The following MILR1 variants were observed in gnomAD, a reference collection of about 807,000 sequenced individuals.
MILR1 encodes allergin-1.
In MILR1, 31 loss-of-function variants were observed where a neutral mutation model predicts 18.5. The observed-to-expected ratio is 1.68, with a 90% confidence interval of 1.26 to 2.26. The LOEUF is 2.26. MILR1 is among the 30% of genes most tolerant of loss of function. The pLI, the probability that MILR1 is intolerant of heterozygous loss-of-function variation, is 0.00. For synonymous variants in MILR1, 85 were observed against 56.2 expected, an observed-to-expected ratio of 1.51 and a Z score of -2.30; for missense variants, 257 against 157.4, an observed-to-expected ratio of 1.63 and a Z score of -3.38.
intron 3 of MILR1, among the ~76,000 whole-genome samples, chr17:64,453,536 CTTT>C (rs35572128): frequency 5.9e-5 from 6 of 101,038 alleles, no homozygotes; most frequent in African/African-American, 2.1e-4. Context: ...GCAAAAATCG[CTTT>C]TTTTTTTTTT....
At chr17:64,477,808 T>C in the MILR1 span, 8 of 1,552,036 alleles carry the variant, frequency 5.2e-6, no homozygotes, top group Non-Finnish European at 6.9e-6. Flanking sequence ...ATATTTATTA[T>C]ACAAATATAA....
chr17:64,492,335 A>C, the MILR1 span, among the ~76,000 whole-genome samples: 4 of 152,156 alleles, frequency 2.6e-5, no homozygotes, highest in African/African-American at 9.7e-5. Context: ...ACTAATATGG[A>C]AAGTTCATGG....
the MILR1 span, among the ~76,000 whole-genome samples, chr17:64,487,771 G>A: frequency 1.3e-5 from 2 of 152,212 alleles, no homozygotes; most frequent in African/African-American, 4.8e-5. Flanking sequence ...GGAGGCCAGG[G>A]CAGGAGGATC....
the MILR1 span, chr17:64,481,429 C>T: frequency 2.4e-5 from 24 of 985,070 alleles, no homozygotes; most frequent in African/African-American, 3.7e-4. Context: ...ACAGAAATGA[C>T]GACTGCTGAA....
At chr17:64,489,954 C>T in the MILR1 span, among the ~76,000 whole-genome samples, 17 of 150,830 alleles carry the variant, frequency 1.1e-4, no homozygotes, top group African/African-American at 3.9e-4. Context: ...GAGACAGAGT[C>T]TCGTTCTGTC....
chr17:64,482,921 G>C, the MILR1 span: 4 of 1,546,916 alleles, frequency 2.6e-6, no homozygotes, highest in African/African-American at 2.7e-5. Context: ...TAACTCACCT[G>C]TCTTAGTTCC....
chr17:64,477,897 T>C, the MILR1 span: 5 of 1,613,756 alleles, frequency 3.1e-6, no homozygotes, highest in Admixed American at 1.7e-5. Flanking sequence ...ATTTCCTTCA[T>C]TGTGGTGTCT....
chr17:64,496,973 C>T, the MILR1 span: 25 of 1,603,300 alleles, frequency 1.6e-5, no homozygotes, highest in South Asian at 2.2e-5. Context: ...GCGCATCTCT[C>T]TCCGAAGTTA....
At chr17:64,453,106 T>A (rs1159530362) in intron 3 of MILR1, among the ~76,000 whole-genome samples, 1 of 151,662 alleles carries the variant, frequency 6.6e-6, no homozygotes, top group Non-Finnish European at 1.5e-5. Context: ...TCTCACTCAG[T>A]TGCCCAGGCT....
At chr17:64,464,534 C>A (rs1204221453) in intron 5 of MILR1, among the ~76,000 whole-genome samples, 1 of 152,088 alleles carries the variant, frequency 6.6e-6, no homozygotes, top group African/African-American at 2.4e-5. Context: ...GCCACTGCAC[C>A]CTGGCCCACA....
chr17:64,456,980 C>T (rs1227960139), intron 3 of MILR1, among the ~76,000 whole-genome samples: 5 of 152,024 alleles, frequency 3.3e-5, no homozygotes, highest in Non-Finnish European at 7.4e-5. Context: ...AGTTCAAGAC[C>T]AACCTGGCCA....
the MILR1 span, among the ~76,000 whole-genome samples, chr17:64,488,211 T>A: frequency 6.1e-5 from 9 of 148,510 alleles, no homozygotes; most frequent in East Asian, 2.0e-4. Flanking sequence ...TAAATAATTT[T>A]AAAAAAAGAA....
At chr17:64,490,836 T>A in the MILR1 span, 1 of 1,613,740 alleles carries the variant, frequency 6.2e-7, no homozygotes, top group Non-Finnish European at 8.5e-7. Flanking sequence ...GTGTAAAAGT[T>A]CGTGATCTCC....
intron 9 of MILR1, 179 bp downstream of exon 9, chr17:64,467,824 A>G (rs1555663758): frequency 2.3e-6 from 1 of 435,264 alleles, no homozygotes; most frequent in Admixed American, 3.8e-5. Flanking sequence ...AGTCCCAGCT[A>G]CTCGGGAGGC....
chr17:64,464,449 A>G (rs1286303671), intron 5 of MILR1, among the ~76,000 whole-genome samples: 1 of 151,616 alleles, frequency 6.6e-6, no homozygotes, highest in African/African-American at 2.4e-5. Flanking sequence ...TATGTTCCCC[A>G]GGGTGGTCTT....
chr17:64,497,049 A>G, the MILR1 span: 184,926 of 1,414,468 alleles, frequency 0.13, 26,358 homozygotes, highest in African/African-American at 0.71. Context: ...CAGAATCCGG[A>G]GAGGCCACGG....
the MILR1 span, chr17:64,486,881 T>C: frequency 1.3e-5 from 2 of 152,212 alleles, no homozygotes; most frequent in East Asian, 1.9e-4. Context: ...GAATTAAGTA[T>C]TGATAAACAG....
chr17:64,479,764 AGC>A, the MILR1 span, among the ~76,000 whole-genome samples: 2 of 152,188 alleles, frequency 1.3e-5, no homozygotes, highest in Non-Finnish European at 2.9e-5. Context: ...TTAGGAAGCA[AGC>A]TGACAGCATT....
At chr17:64,452,914 T>C in intron 3 of MILR1, 48 bp downstream of exon 3, 1 of 467,414 alleles carries the variant, frequency 2.1e-6, no homozygotes, top group Non-Finnish European at 3.9e-6. Flanking sequence ...TATAGGGTGC[T>C]TTCTGGTTCT....
Sources: gnomAD v4.1 joint callset for allele counts (sites outside exome capture counted in the v4.1 genomes callset) on GRCh38, gnomAD v4.1.1 for gene constraint, MANE v1.5 for transcripts, NCBI Gene and HGNC (gene_info 2026-07-23, HGNC 2026-07-21) for gene names.